The following SLC44A3 variants were observed in gnomAD, a reference collection of about 807,000 sequenced individuals.
SLC44A3 encodes the protein choline transporter-like protein 3.
Under a neutral mutation model 75.4 loss-of-function variants are expected in SLC44A3, and 74 were observed. The observed-to-expected ratio is 0.98, with a 90% confidence interval of 0.81 to 1.19. The LOEUF (loss-of-function observed/expected upper bound fraction) is 1.19, where lower values mean the gene tolerates loss of function less well. SLC44A3 is among the 50% of genes most tolerant of loss of function. SLC44A3 has a pLI of 0.00. For missense variants in SLC44A3, 700 were observed against 778.6 expected (o/e 0.90, Z 1.20); for synonymous variants, 310 against 296.9 (o/e 1.04, Z -0.45).
At chr1:94,851,881 G>C (rs2101170711) in intron 9 of SLC44A3, among the ~76,000 whole-genome samples, 1 of 152,338 alleles carries the variant, frequency 6.6e-6, no homozygotes, top group African/African-American at 2.4e-5. Context: ...CAGCTGGACT[G>C]CCTTCCATAA....
intron 5 of SLC44A3, among the ~76,000 whole-genome samples, chr1:94,833,548 C>A (rs1279657078): frequency 6.6e-6 from 1 of 152,176 alleles, no homozygotes; most frequent in African/African-American, 2.4e-5. Context: ...CCAGGAAGCC[C>A]TCTGCACCCT....
chr1:94,892,566 G>C lies in SLC44A3; in HGVS notation c.1857+49G>C, dbSNP rs528429270. 2.6e-5 allele frequency: 40 copies of C among 1,567,876 alleles called. No individual in the cohort carries two copies. In the South Asian group the frequency reaches 4.3e-4, roughly 17 times the overall value. ...TTGCAATCTCCATGCTCGCAATCTT[G>C]AAAGTTTTGTAAAGCTGCACACACG... On this transcript the variant is annotated intron_variant, in intron 14 of 14. Transcript: ENST00000271227.
chr1:94,872,237 G>A (rs1408281450), intron 12 of SLC44A3, among the ~76,000 whole-genome samples: 1 of 152,004 alleles, frequency 6.6e-6, no homozygotes, highest in Non-Finnish European at 1.5e-5. Flanking sequence ...GAGTAGCTGG[G>A]ATTACAGGCT....
intron 13 of SLC44A3, among the ~76,000 whole-genome samples, chr1:94,891,472 C>T (rs1670201632): frequency 1.3e-5 from 2 of 152,172 alleles, no homozygotes; most frequent in Non-Finnish European, 2.9e-5. Context: ...CAGGGTACTA[C>T]AATAGGTAGA....
Position 94,824,588 on chromosome 1 carries a change from C to T in SLC44A3, c.231C>T (p.Ser77=), listed in dbSNP as rs754878626. The part of the protein sequence containing the change: ...SFGNMCGKKN[S]PVEGAPLSGQ... ...GCAACATGTGTGGCAAGAAGAACTC[C>T]CCCGTGGAAGGGGCCCCTCTTTCAG... Residue 77 remains serine, a synonymous_variant, in exon 3 of 15, where the codon TCC becomes TCT. Coordinates refer to ENST00000271227, the MANE Select transcript of SLC44A3 (RefSeq NM_001114106.3). 2.5e-6 allele frequency: 4 copies of T among 1,610,512 alleles called. No individual in the cohort carries two copies. The Admixed American group carries it at 5.1e-5, about 21-fold the overall frequency.
Position 94,820,357 on chromosome 1 carries a change from AGCCCCG to A in SLC44A3, c.-80_-75del, listed in dbSNP as rs1475051392. 15 of 1,123,280 alleles carry A rather than the reference AGCCCCG, an allele frequency of 1.3e-5. No individual in the cohort carries two copies. Among genetic ancestry groups the A allele is most frequent in the Middle Eastern group, 7.0e-4 (2 of 2,842 alleles). The allele number at this position is 1,123,280 out of a possible 1,614,324, so 69.6% of individuals were successfully genotyped here. ...CGGCTCCAGCCCCAGCCCCAGCCCC[AGCCCCG>A]GCCCCGGCCCCGGCTCGCGGGCGCT... On this transcript the variant is annotated 5_prime_UTR_variant, in exon 1 of 15. Coordinates refer to ENST00000271227, the MANE Select transcript of SLC44A3 (RefSeq NM_001114106.3).
chr1:94,879,215 A>AAC (rs774244552), intron 12 of SLC44A3, among the ~76,000 whole-genome samples: 7 of 8,888 alleles, frequency 7.9e-4, no homozygotes, highest in Middle Eastern at 0.042. Context: ...CAACAACTAC[A>AAC]AAAAAAAAAA....
Position 94,820,410 on chromosome 1 carries a change from G to T in SLC44A3, c.-42G>T. Reference sequence around the variant, plus strand: ...CGCTGCGTCTCCGCGTACAGGAGGCGGCGGCGGCTCCCAGTCACCGGCCCC... The same window carrying T: ...CGCTGCGTCTCCGCGTACAGGAGGCTGCGGCGGCTCCCAGTCACCGGCCCC... On this transcript the variant is annotated 5_prime_UTR_variant, in exon 1 of 15. Transcript: ENST00000271227. 1 of 1,445,014 alleles carries T rather than the reference G, an allele frequency of 6.9e-7. No homozygotes were observed. The highest frequency in any genetic ancestry group is 1.5e-5 in the African/African-American group (1 of 67,820). The allele number at this position is 1,445,014 out of a possible 1,614,324, so 89.5% of individuals were successfully genotyped here.
At chr1:94,828,617 T>G in intron 5 of SLC44A3, 31 bp downstream of exon 5, 2 of 1,590,004 alleles carry the variant, frequency 1.3e-6, no homozygotes, top group Non-Finnish European at 8.6e-7. Context: ...TCCTTAACTC[T>G]AAACAAAAGT....
intron 8 of SLC44A3, among the ~76,000 whole-genome samples, chr1:94,842,651 G>T (rs1380231110): frequency 6.6e-6 from 1 of 152,248 alleles, no homozygotes; most frequent in Non-Finnish European, 1.5e-5. Context: ...GGTGGTGGGT[G>T]GTTGGCAACC....
intron 5 of SLC44A3, among the ~76,000 whole-genome samples, chr1:94,833,010 A>C (rs1662321758): frequency 6.6e-6 from 1 of 151,626 alleles, no homozygotes; most frequent in Non-Finnish European, 1.5e-5. Flanking sequence ...CCAATGTGAT[A>C]AACTTCTCAC....
chr1:94,857,647 G>A, intron 10 of SLC44A3, 147 bp downstream of exon 10: 1 of 758,158 alleles, frequency 1.3e-6, no homozygotes, highest in Non-Finnish European at 2.0e-6. Context: ...AATTTGGGCT[G>A]TATTCTCATT....
intron 10 of SLC44A3, among the ~76,000 whole-genome samples, chr1:94,857,793 C>T (rs999075090): frequency 3.4e-5 from 5 of 147,556 alleles, no homozygotes; most frequent in Admixed American, 3.4e-4. Context: ...AGGGGCTGCT[C>T]TGCCTATGGA....
intron 13 of SLC44A3, among the ~76,000 whole-genome samples, chr1:94,891,583 G>GA (rs1670215437): frequency 6.6e-6 from 1 of 152,114 alleles, no homozygotes; most frequent in Non-Finnish European, 1.5e-5. Flanking sequence ...ACTAATCTCA[G>GA]AAAATGAACG....
At chr1:94,870,927 C>T (rs114469421) in intron 12 of SLC44A3, among the ~76,000 whole-genome samples, 1,615 of 152,316 alleles carry the variant, frequency 0.011, 21 homozygotes, top group African/African-American at 0.037. Context: ...GTGATTTACC[C>T]GCCTTGGCCT....
intron 2 of SLC44A3, among the ~76,000 whole-genome samples, chr1:94,821,498 A>C (rs551401595): frequency 3.3e-5 from 5 of 152,212 alleles, no homozygotes; most frequent in South Asian, 2.1e-4. Context: ...CACGCGCGCG[A>C]GAGATATGTT....
At chr1:94,840,769 G>T (rs1295003215) in intron 7 of SLC44A3, among the ~76,000 whole-genome samples, 3 of 152,222 alleles carry the variant, frequency 2.0e-5, no homozygotes, top group Admixed American at 6.5e-5. Context: ...TCATGTAAAG[G>T]TTCTGACCAG....
chr1:94,867,880 C>T (rs72718257), intron 12 of SLC44A3, among the ~76,000 whole-genome samples: 1,729 of 152,228 alleles, frequency 0.011, 14 homozygotes, highest in Non-Finnish European at 0.019. Context: ...AAGTTTTTCT[C>T]TTTTCAGAAA....
chr1:94,883,591 C>T (rs1486709780), intron 12 of SLC44A3, among the ~76,000 whole-genome samples: 1 of 152,180 alleles, frequency 6.6e-6, no homozygotes, highest in African/African-American at 2.4e-5. Flanking sequence ...CTGACAAAGT[C>T]AGAATAATGA....
Sources: allele counts gnomAD v4.1 joint callset (sites outside exome capture counted in the v4.1 genomes callset), GRCh38; gene constraint gnomAD v4.1.1; transcripts MANE v1.5; gene names NCBI Gene and HGNC (gene_info 2026-07-23, HGNC 2026-07-21).